The following OR51L1 variants were observed in gnomAD, a reference collection of about 807,000 sequenced individuals.
The protein encoded by OR51L1 is olfactory receptor 51L1.
Under a neutral mutation model 1.4 loss-of-function variants are expected in OR51L1, and 1 was observed. That is an observed-to-expected ratio of 0.72 (90% CI 0.26 to 3.42). OR51L1 has a LOEUF of 3.42. Ranked by LOEUF, OR51L1 falls within the 30% of genes most tolerant of loss-of-function variation. OR51L1 has a pLI of 0.20. For missense variants in OR51L1, 378 were observed against 380.0 expected, an observed-to-expected ratio of 0.99 and a Z score of 0.04; for synonymous variants, 156 against 144.2, an observed-to-expected ratio of 1.08 and a Z score of -0.59.
rs1290357180 is a variant in OR51L1, at chr11:5,000,512, G to A, written c.*582G>A. On this transcript the variant is annotated 3_prime_UTR_variant, in exon 3 of 3. Coordinates refer to ENST00000641819, the MANE Select transcript of OR51L1 (RefSeq NM_001004755.2). Reference sequence around the variant, plus strand: ...TTAGTGATGTGTCCTTTCTCTCATTGCTATTCTAGATCTATCAGCTTCCTC... The same window carrying A: ...TTAGTGATGTGTCCTTTCTCTCATTACTATTCTAGATCTATCAGCTTCCTC... 2 of 152,318 alleles carry A rather than the reference G, an allele frequency of 1.3e-5. No homozygotes were observed. The highest frequency in any genetic ancestry group is 2.9e-5 in the Non-Finnish European group (2 of 68,198). 9.4% of individuals were successfully genotyped at this position (152,318 alleles called of 1,614,324 possible).
At position 4,999,320 on chromosome 11, in the gene OR51L1, A is replaced by T; in HGVS notation, c.338A>T (p.Glu113Val). 1 of 1,614,110 alleles carries T rather than the reference A, an allele frequency of 6.2e-7. No homozygotes were observed. The change falls in exon 3 of 3, where the codon GAG becomes GTG. Residue 113 changes from glutamate to valine, a missense_variant. By Grantham distance (121) the Glu-to-Val change is moderately radical. Coordinates refer to ENST00000641819, the MANE Select transcript of OR51L1 (RefSeq NM_001004755.2). ...LFFIHTFTFLESSVLLAMAFD... is the reference protein window; with the variant it reads ...LFFIHTFTFLVSSVLLAMAFD... ...TTCATCCACACATTCACATTCCTGGAGTCCTCAGTGTTGCTGGCCATGGCC... is the reference window on the plus strand; with the variant it reads ...TTCATCCACACATTCACATTCCTGGTGTCCTCAGTGTTGCTGGCCATGGCC...
In OR51L1 at chr11:5,004,715, G is replaced by A. The variant is rs1419108870; in HGVS notation, c.*4785G>A. On this transcript the variant is annotated 3_prime_UTR_variant, in exon 3 of 3. Transcript: ENST00000641819. The stretch of plus-strand genomic sequence containing the variant: ...GTTCCATTGTTGCAGAGTAAGCAAT[G>A]AAGTCTATATTTGAAACTGGGACAA... 6.6e-6 allele frequency: 1 copy of A among 152,114 alleles called. No individual in the cohort carries two copies. Among genetic ancestry groups the A allele is most frequent in the Admixed American group, 6.5e-5 (1 of 15,270 alleles). The allele number at this position is 152,114 out of a possible 1,614,324, so 9.4% of individuals were successfully genotyped here.
Position 4,999,567 on chromosome 11 carries a change from G to T in OR51L1, c.585G>T (p.Arg195Ser). Reference protein sequence around the residue: ...DVLRLSCTDARTNSIYGLCVV... With the variant: ...DVLRLSCTDASTNSIYGLCVV... ...TAAGATTATCCTGTACAGATGCCAGGACCAACAGTATTTATGGGCTTTGTG... is the reference window on the plus strand; with the variant it reads ...TAAGATTATCCTGTACAGATGCCAGTACCAACAGTATTTATGGGCTTTGTG... The change falls in exon 3 of 3, where the codon AGG becomes AGT. Residue 195 changes from arginine (R) to serine (S), a missense_variant. Arg to Ser is a moderately radical substitution (Grantham distance 110). Coordinates refer to ENST00000641819, the MANE Select transcript of OR51L1 (RefSeq NM_001004755.2). The T allele has an allele frequency of 6.2e-7, 1 of 1,613,916 alleles. No individual in the cohort carries two copies. The highest frequency in any genetic ancestry group is 8.5e-7 in the Non-Finnish European group (1 of 1,179,966).
Position 5,001,660 on chromosome 11 carries a change from C to T in OR51L1, c.*1730C>T, listed in dbSNP as rs1212924661. 1 of 152,068 alleles carries T rather than the reference C, an allele frequency of 6.6e-6. No individual in the cohort carries two copies. The highest frequency in any genetic ancestry group is 3.2e-3 in the Middle Eastern group (1 of 314). 9.4% of individuals were successfully genotyped at this position (152,068 alleles called of 1,614,324 possible). On this transcript the variant is annotated 3_prime_UTR_variant, in exon 3 of 3. Transcript: ENST00000641819. The stretch of plus-strand genomic sequence containing the variant: ...TTTTCTTTTTCACTAGAATGAACTA[C>T]AGATATGTTTTTATGGGTGATATTT...
At chr11:4,998,063 A>G (rs970285227) in intron 2 of OR51L1, among the ~76,000 whole-genome samples, 4 of 152,174 alleles carry the variant, frequency 2.6e-5, no homozygotes, top group Non-Finnish European at 5.9e-5. Flanking sequence ...TGTAATAGAT[A>G]ACTGTTAAAT....
intron 2 of OR51L1, among the ~76,000 whole-genome samples, chr11:4,998,230 C>T (rs1373485447): frequency 1.5e-5 from 2 of 134,520 alleles, no homozygotes; most frequent in Non-Finnish European, 3.3e-5. Flanking sequence ...CACACACACA[C>T]ACACACGCAT....
In OR51L1 at chr11:4,999,512, C is replaced by G; in HGVS notation, c.530C>G (p.Ser177Cys). The G allele has an allele frequency of 6.2e-7, 1 of 1,614,046 alleles. No homozygotes were observed. Among genetic ancestry groups the G allele is most frequent in the Non-Finnish European group, 8.5e-7 (1 of 1,179,988 alleles). ...CACTACTGCCATGGCAATGCCCTCT[C>G]TCACGCCTTCTGTTTGCACCAGGAT... ...HYHYCHGNAL[S>C]HAFCLHQDVL... is the part of the protein sequence containing the mutation. Residue 177 changes from serine to cysteine, a missense_variant, in exon 3 of 3, where the codon TCT becomes TGT. By Grantham distance (112) the Ser-to-Cys change is moderately radical. Transcript: ENST00000641819.
intron 2 of OR51L1, 52 bp from the exon 3 acceptor site, chr11:4,998,772 T>A: frequency 1.9e-6 from 1 of 539,724 alleles, no homozygotes; most frequent in Non-Finnish European, 3.2e-6. Flanking sequence ...GTAGTCCACA[T>A]TTTTGTTCCA....
intron 1 of OR51L1, among the ~76,000 whole-genome samples, chr11:4,996,386 A>G (rs1443590823): frequency 1.3e-5 from 2 of 152,134 alleles, no homozygotes; most frequent in Non-Finnish European, 2.9e-5. Context: ...GATTACAAAC[A>G]GAAATATTCC....
chr11:4,996,751 T>TTC (rs1847075938), intron 1 of OR51L1, among the ~76,000 whole-genome samples: 2 of 150,822 alleles, frequency 1.3e-5, no homozygotes, highest in Non-Finnish European at 3.0e-5. Context: ...CTTTCTTTCT[T>TTC]TCTTTCTTTC....
chr11:5,003,709 T>C lies in OR51L1; in HGVS notation c.*3779T>C, dbSNP rs1847151736. ...TTCAAGAGCAAATATCCATGGTTTT[T>C]AAATCTCTTAAGTTTCAAGCGGAAG... On this transcript the variant is annotated 3_prime_UTR_variant, in exon 3 of 3. Coordinates refer to ENST00000641819, the MANE Select transcript of OR51L1 (RefSeq NM_001004755.2). The C allele has an allele frequency of 6.6e-6, 1 of 152,082 alleles. No homozygotes were observed. Among genetic ancestry groups the C allele is most frequent in the South Asian group, 2.1e-4 (1 of 4,828 alleles). 9.4% of individuals were successfully genotyped at this position (152,082 alleles called of 1,614,324 possible).
rs1445946758 is a variant in OR51L1, at chr11:5,005,185, T to C, written c.*5255T>C. On this transcript the variant is annotated 3_prime_UTR_variant, in exon 3 of 3. Transcript: ENST00000641819. The stretch of plus-strand genomic sequence containing the variant: ...AGGTCCACAATCCAGGTCTAGCTCC[T>C]AAAACTCCACACCGATTATGTCACT... 1 of 152,256 alleles carries C rather than the reference T, an allele frequency of 6.6e-6. No homozygotes were observed. The highest frequency in any genetic ancestry group is 2.4e-5 in the African/African-American group (1 of 41,472). 9.4% of individuals were successfully genotyped at this position (152,256 alleles called of 1,614,324 possible).
rs1388230638 is a variant in OR51L1, at chr11:4,995,048, A to G, written c.-549A>G. The G allele has an allele frequency of 1.3e-5, 2 of 152,170 alleles. No individual in the cohort carries two copies. Among genetic ancestry groups the G allele is most frequent in the Non-Finnish European group, 2.9e-5 (2 of 67,994 alleles). 9.4% of individuals were successfully genotyped at this position (152,170 alleles called of 1,614,324 possible). A position where few individuals can be genotyped will look rare whatever the true frequency, so the allele number is the denominator to read the frequency against. ...GCCAATCAAAGGGACCGGAAAAAAT[A>G]GAGGATTACATGCTGAAAAGACACA... On this transcript the variant is annotated 5_prime_UTR_variant, in exon 1 of 3. In the 5' UTR this introduces an upstream ATG that the reference lacks. Transcript: ENST00000641819.
intron 2 of OR51L1, among the ~76,000 whole-genome samples, chr11:4,998,225 ACACACACACACG>A (rs1299902727): frequency 7.5e-6 from 1 of 133,652 alleles, no homozygotes; most frequent in Non-Finnish European, 1.7e-5. Flanking sequence ...ACACACACAC[ACACACACACACG>A]CATATACACT....
rs759055439 is a variant in OR51L1 at position 4,999,817 on chromosome 11, G to A, written c.835G>A (p.Ala279Thr). 1.9e-6 allele frequency: 3 copies of A among 1,613,972 alleles called. No homozygotes were observed. The highest frequency in any genetic ancestry group is 2.2e-5 in the South Asian group (2 of 91,072). The change falls in exon 3 of 3, where the codon GCA (alanine) becomes ACA (threonine). Residue 279 changes from alanine (A) to threonine (T), a missense_variant. By Grantham distance (58) the Ala-to-Thr change is moderately conservative. Coordinates refer to ENST00000641819, the MANE Select transcript of OR51L1 (RefSeq NM_001004755.2). ...HLSPIVHILM[A>T]DIYLLLPPVL... Reference sequence around the variant, plus strand: ...GTCTCCCATAGTCCACATCCTCATGGCAGACATCTACCTTCTTCTTCCCCC... The same window carrying A: ...GTCTCCCATAGTCCACATCCTCATGACAGACATCTACCTTCTTCTTCCCCC...
At chr11:4,997,858 A>G (rs1205227096) in intron 2 of OR51L1, among the ~76,000 whole-genome samples, 1 of 152,172 alleles carries the variant, frequency 6.6e-6, no homozygotes, top group Admixed American at 6.5e-5. Context: ...GATAGTGAAT[A>G]TTTAAGGCCT....
Position 5,002,753 on chromosome 11 carries a change from C to A in OR51L1, c.*2823C>A, listed in dbSNP as rs1279229649. ...TCTTCAGGCCTGATTCACAGGTCAACTTTTCCCTCTGCCCAATCCTACCCA... is the reference window on the plus strand; with the variant it reads ...TCTTCAGGCCTGATTCACAGGTCAAATTTTCCCTCTGCCCAATCCTACCCA... On this transcript the variant is annotated 3_prime_UTR_variant, in exon 3 of 3. Coordinates refer to ENST00000641819, the MANE Select transcript of OR51L1 (RefSeq NM_001004755.2). 4.6e-5 allele frequency: 7 copies of A among 152,186 alleles called. No homozygotes were observed. Among genetic ancestry groups the A allele is most frequent in the African/African-American group, 7.2e-5 (3 of 41,436 alleles). The allele number at this position is 152,186 out of a possible 1,614,324, so 9.4% of individuals were successfully genotyped here.
Position 4,996,465 on chromosome 11 carries a change from A to G in OR51L1, c.-261-1017A>G, listed in dbSNP as rs570140700. ...GTTTTCTAAACATCGCAATCTGCACATAGGGGACTTGCACATAAAGCAGGG... is the reference window on the plus strand; with the variant it reads ...GTTTTCTAAACATCGCAATCTGCACGTAGGGGACTTGCACATAAAGCAGGG... On this transcript the variant is annotated intron_variant, in intron 1 of 2. Transcript: ENST00000641819. Among the ~76,000 whole-genome samples the G allele has an allele frequency of 2.6e-5, 4 of 152,226 alleles. No individual in the cohort carries two copies. In the South Asian group the frequency reaches 8.3e-4, roughly 32 times the overall value.
rs141178578 is a variant in OR51L1 at position 4,999,136 on chromosome 11, T to A, written c.154T>A (p.Trp52Arg). 10 of 1,613,990 alleles carry A rather than the reference T, an allele frequency of 6.2e-6. No individual in the cohort carries two copies. The highest frequency in any genetic ancestry group is 1.7e-5 in the Admixed American group (1 of 60,000). The change falls in exon 3 of 3, where the codon TGG (tryptophan) becomes AGG (arginine). Residue 52 changes from tryptophan (W) to arginine (R), a missense_variant. By Grantham distance (101) the Trp-to-Arg change is moderately radical (BLOSUM62 -3). Transcript: ENST00000641819. ...MGNVTILSVI[W>R]IESSLHQPMY... is the part of the protein sequence containing the mutation. ...TAATGTTACCATCCTGTCTGTCATT[T>A]GGATAGAATCCTCTCTCCATCAGCC...
Sources: gnomAD v4.1 joint callset for allele counts (sites outside exome capture counted in the v4.1 genomes callset) on GRCh38, gnomAD v4.1.1 for gene constraint, MANE v1.5 for transcripts, NCBI Gene and HGNC (gene_info 2026-07-23, HGNC 2026-07-21) for gene names.